Variants in ABHD17C observed in about 807,000 individuals in gnomAD.
ABHD17C encodes the protein abhydrolase domain containing 17C, depalmitoylase.
In ABHD17C, 11 loss-of-function variants were observed where a neutral mutation model predicts 27.9. That is an observed-to-expected ratio of 0.39 (90% CI 0.25 to 0.65). The LOEUF (loss-of-function observed/expected upper bound fraction) is 0.65. ABHD17C is among the 30% of genes least tolerant of loss of function. The pLI is 0.45. For synonymous variants in ABHD17C, 233 were observed against 209.1 expected (o/e 1.11, Z -0.98); for missense variants, 280 against 470.2 (o/e 0.60, Z 3.74).
chr15:80,747,542 C>T (rs28718673), intron 1 of ABHD17C, among the ~76,000 whole-genome samples: 3,400 of 152,192 alleles, frequency 0.022, 144 homozygotes, highest in African/African-American at 0.077. Context: ...TTTGAAAATC[C>T]GTGGTCTCTG....
intron 1 of ABHD17C, among the ~76,000 whole-genome samples, chr15:80,732,981 G>C (rs1209035101): frequency 6.6e-6 from 1 of 152,170 alleles, no homozygotes. Context: ...GTGCAGGAGA[G>C]AGGATTAAGG....
rs1003979984 is a variant in ABHD17C at position 80,754,089 on chromosome 15, G to GT, written c.771-61dup. ...ATTAACTTATCATTAAATGTGATGT[G>GT]TATTATCTGTGAGCATAACTAATGG... On this transcript the variant is annotated intron_variant, in intron 2 of 2. Transcript: ENST00000258884. 124 of 1,260,306 alleles carry GT rather than the reference G, an allele frequency of 9.8e-5. No individual in the cohort carries two copies. The African/African-American group carries it at 1.7e-3, about 17-fold the overall frequency. 78.1% of individuals were successfully genotyped at this position (1,260,306 alleles called of 1,614,324 possible).
At chr15:80,717,079 C>G (rs1449990970) in intron 1 of ABHD17C, among the ~76,000 whole-genome samples, 2 of 152,050 alleles carry the variant, frequency 1.3e-5, no homozygotes, top group East Asian at 1.9e-4. Flanking sequence ...AGGGAAGATT[C>G]CATTCATTGA....
chr15:80,712,152 C>T (rs1474198913), intron 1 of ABHD17C, among the ~76,000 whole-genome samples: 1 of 152,218 alleles, frequency 6.6e-6, no homozygotes. Flanking sequence ...TGTACCTGGA[C>T]TCCTCCGTTG....
chr15:80,699,563 C>T (rs977379346), intron 1 of ABHD17C, among the ~76,000 whole-genome samples: 4 of 152,178 alleles, frequency 2.6e-5, no homozygotes, highest in African/African-American at 9.7e-5. Flanking sequence ...ATCTTTTATC[C>T]ATTACCTATT....
intron 1 of ABHD17C, among the ~76,000 whole-genome samples, chr15:80,725,911 G>A (rs997774137): frequency 6.6e-6 from 1 of 152,142 alleles, no homozygotes; most frequent in Admixed American, 6.6e-5. Context: ...GGCACTAGAG[G>A]AATTAAAGAT....
At chr15:80,705,925 T>C (rs79127467) in intron 1 of ABHD17C, among the ~76,000 whole-genome samples, 5,303 of 152,288 alleles carry the variant, frequency 0.035, 314 homozygotes, top group African/African-American at 0.12. Flanking sequence ...CACCTGCAGT[T>C]ACTTTGCAAA....
intron 1 of ABHD17C, among the ~76,000 whole-genome samples, chr15:80,708,314 TTTTGTTTTG>T (rs199989479): frequency 6.7e-5 from 10 of 148,732 alleles, no homozygotes; most frequent in African/African-American, 2.2e-4. Context: ...TTTTGTTTTG[TTTTGTTTTG>T]TTTGTTTTTC....
rs34987348 is a variant in ABHD17C at position 80,698,061 on chromosome 15, CTTT to C, written c.590+2061_590+2063del. On this transcript the variant is annotated intron_variant, in intron 1 of 2. Coordinates refer to ENST00000258884, the MANE Select transcript of ABHD17C (RefSeq NM_021214.2). ...TAGCAGAATATGTTGTTTTATTTCACTTTTTTTTTTTTTTTTTTTTTGAGACGG... is the reference window on the plus strand; with the variant it reads ...TAGCAGAATATGTTGTTTTATTTCACTTTTTTTTTTTTTTTTTTGAGACGG... Among the ~76,000 whole-genome samples the C allele has an allele frequency of 1.6e-3, 153 of 97,026 alleles. 2 individuals are homozygous for C. The highest frequency in any genetic ancestry group is 5.6e-3 in the Middle Eastern group (1 of 178). 63.7% of individuals were successfully genotyped at this position (97,026 alleles called of 152,430 possible).
At chr15:80,716,999 C>T (rs1894812279) in intron 1 of ABHD17C, among the ~76,000 whole-genome samples, 1 of 152,154 alleles carries the variant, frequency 6.6e-6, no homozygotes, top group East Asian at 1.9e-4. Flanking sequence ...TAAAGATGAA[C>T]AAATAGCCTG....
chr15:80,738,288 A>G (rs1172948011), intron 1 of ABHD17C, among the ~76,000 whole-genome samples: 1 of 152,320 alleles, frequency 6.6e-6, no homozygotes, highest in East Asian at 1.9e-4. Flanking sequence ...AAGCTGATAC[A>G]CAGAAACCAA....
chr15:80,719,068 G>A (rs942919701), intron 1 of ABHD17C, among the ~76,000 whole-genome samples: 2 of 152,188 alleles, frequency 1.3e-5, no homozygotes, highest in African/African-American at 4.8e-5. Context: ...CTTCCAGTGA[G>A]AAGACTTAGT....
chr15:80,726,167 C>A (rs889303815), intron 1 of ABHD17C, among the ~76,000 whole-genome samples: 1 of 152,238 alleles, frequency 6.6e-6, no homozygotes, highest in Non-Finnish European at 1.5e-5. Context: ...ACAGATCGCT[C>A]ATGCTATTGT....
chr15:80,745,374 C>T (rs1385331255), intron 1 of ABHD17C, among the ~76,000 whole-genome samples: 1 of 149,422 alleles, frequency 6.7e-6, no homozygotes, highest in African/African-American at 2.4e-5. Flanking sequence ...CTGTATCTGC[C>T]TCTTTTCCCT....
At position 80,748,651 on chromosome 15, in the gene ABHD17C, T is replaced by A. The variant is rs79120466; in HGVS notation, c.591-862T>A. Among the ~76,000 whole-genome samples, 460 of 150,752 alleles carry A rather than the reference T, an allele frequency of 3.1e-3. 3 individuals carry two copies. The highest frequency in any genetic ancestry group is 0.011 in the African/African-American group (448 of 40,876). On this transcript the variant is annotated intron_variant, in intron 1 of 2. Coordinates refer to ENST00000258884, the MANE Select transcript of ABHD17C (RefSeq NM_021214.2). ...TCCTTTGTAGGATAATAAGAGAGCA[T>A]GTATTTTCCCGGGTTCCTTCTATTT...
chr15:80,738,752 G>A (rs1475869005), intron 1 of ABHD17C, among the ~76,000 whole-genome samples: 8 of 152,270 alleles, frequency 5.3e-5, no homozygotes, highest in Admixed American at 4.6e-4. Context: ...ACATGTGAAG[G>A]GATGGGGTGC....
chr15:80,747,312 A>G (rs1452577266), intron 1 of ABHD17C, among the ~76,000 whole-genome samples: 1 of 151,920 alleles, frequency 6.6e-6, no homozygotes, highest in African/African-American at 2.4e-5. Flanking sequence ...TGGAGGGAGG[A>G]GGAGACCCCT....
rs1894617074 is a variant in ABHD17C, at chr15:80,704,573, A to G, written c.590+8554A>G. 7 of 147,590 alleles carry G rather than the reference A, an allele frequency of 4.7e-5. No homozygotes were observed. In the South Asian group the frequency reaches 1.5e-3, roughly 31 times the overall value. The allele number at this position is 147,590 out of a possible 1,614,324, so 9.1% of individuals were successfully genotyped here. A position where few individuals can be genotyped will look rare whatever the true frequency, so the allele number is the denominator to read the frequency against. Reference sequence around the variant, plus strand: ...TAATAAATACATACGGCAAAAAAAAAGAAAAGAAAAGAAATGCAGCCACCT... The same window carrying G: ...TAATAAATACATACGGCAAAAAAAAGGAAAAGAAAAGAAATGCAGCCACCT... On this transcript the variant is annotated intron_variant, in intron 1 of 2. Coordinates refer to ENST00000258884, the MANE Select transcript of ABHD17C (RefSeq NM_021214.2).
chr15:80,754,087 G>T lies in ABHD17C; in HGVS notation c.771-64G>T, dbSNP rs893681748. The T allele has an allele frequency of 2.0e-5, 24 of 1,225,256 alleles. 1 individual carries two copies. The highest frequency in any genetic ancestry group is 2.6e-5 in the Non-Finnish European group (22 of 834,296). The allele number at this position is 1,225,256 out of a possible 1,614,324, so 75.9% of individuals were successfully genotyped here. A position where few individuals can be genotyped will look rare whatever the true frequency, so the allele number is the denominator to read the frequency against. ...TTATTAACTTATCATTAAATGTGAT[G>T]TGTATTATCTGTGAGCATAACTAAT... On this transcript the variant is annotated intron_variant, in intron 2 of 2. Transcript: ENST00000258884.
Sources: gnomAD v4.1 joint callset for allele counts (sites outside exome capture counted in the v4.1 genomes callset) on GRCh38, gnomAD v4.1.1 for gene constraint, MANE v1.5 for transcripts, NCBI Gene and HGNC (gene_info 2026-07-23, HGNC 2026-07-21) for gene names.